The following PSG2 variants were observed in gnomAD, a reference collection of about 807,000 sequenced individuals.
PSG2 encodes the protein pregnancy specific beta-1-glycoprotein 2, also known as pregnancy-specific beta-1-glycoprotein 2.
A neutral mutation model predicts 36.2 loss-of-function variants in PSG2; 49 were observed. The ratio of observed to expected loss-of-function variants is 1.35; its 90% CI spans 1.08 to 1.72. The LOEUF is 1.72. Ranked by LOEUF, PSG2 falls within the 40% of genes most tolerant of loss-of-function variation. The pLI is 0.00. For synonymous variants in PSG2, 261 were observed against 155.6 expected (o/e 1.68, Z -5.04); for missense variants, 605 against 407.2 (o/e 1.49, Z -4.18).
intron 3 of PSG2, among the ~76,000 whole-genome samples, chr19:43,072,981 T>G (rs1425897100): frequency 6.6e-6 from 1 of 151,740 alleles, no homozygotes; most frequent in Non-Finnish European, 1.5e-5. Context: ...AATGTGCAAC[T>G]GCTGGGCCCC....
At chr19:43,080,812 A>G in intron 2 of PSG2, 69 bp downstream of exon 2, 1 of 1,611,844 alleles carries the variant, frequency 6.2e-7, no homozygotes, top group Non-Finnish European at 8.5e-7. Context: ...TAGGCCTGAC[A>G]ATCCTGTGTG....
At position 43,075,353 on chromosome 19, in the gene PSG2, C is replaced by T. The variant is rs148538148; in HGVS notation, c.709+1G>A. 1.4e-4 allele frequency: 231 copies of T among 1,613,074 alleles called. 8 individuals are homozygous for T. In the African/African-American group the frequency reaches 1.8e-3, roughly 12 times the overall value. On this transcript the variant is annotated splice_donor_variant, in intron 3 of 5. Coordinates refer to ENST00000406487, the MANE Select transcript of PSG2 (RefSeq NM_031246.4). LOFTEE classifies it high-confidence loss of function. ...CCCACAGAGGAACAGAAGATACTCA[C>T]GGAGGAGATTCAGGGTGACTGGGTC...
At position 43,078,904 on chromosome 19, in the gene PSG2, G is replaced by A. The variant is rs923286283; in HGVS notation, c.430+1977C>T. ...GTCCACAGGTCAGCCTCACAAAGGG[G>A]AAGAGCCCTTGATGGGAATACAGTG... On this transcript the variant is annotated intron_variant, in intron 2 of 5. Coordinates refer to ENST00000406487, the MANE Select transcript of PSG2 (RefSeq NM_031246.4). 3.3e-5 allele frequency among the ~76,000 whole-genome samples: 5 copies of A among 151,692 alleles called. No homozygotes were observed. The East Asian group carries it at 5.8e-4, about 18-fold the overall frequency.
intron 2 of PSG2, among the ~76,000 whole-genome samples, 156 bp from the exon 3 acceptor site, chr19:43,075,788 T>C (rs1417276592): frequency 2.0e-5 from 3 of 151,646 alleles, no homozygotes; most frequent in Non-Finnish European, 4.4e-5. Flanking sequence ...TGCATGGCAA[T>C]CTGAGGGCTC....
intron 5 of PSG2, chr19:43,065,641 AT>A (rs1967729410): frequency 3.3e-5 from 5 of 151,470 alleles, no homozygotes; most frequent in Admixed American, 3.3e-4. Context: ...TATCATGATT[AT>A]TTTCAGGTCT....
intron 4 of PSG2, among the ~76,000 whole-genome samples, chr19:43,071,162 A>G (rs1476575790): frequency 6.6e-6 from 1 of 151,400 alleles, no homozygotes; most frequent in African/African-American, 2.4e-5. Context: ...TTCTCCACAC[A>G]TGCTGGTCCC....
intron 2 of PSG2, 34 bp downstream of exon 2, chr19:43,080,847 C>A: frequency 6.2e-7 from 1 of 1,611,564 alleles, no homozygotes; most frequent in Non-Finnish European, 8.5e-7. Flanking sequence ...GACCCCTGTC[C>A]CCCAACACCC....
rs185958405 is a variant in PSG2, at chr19:43,070,252, G to A, written c.964+1448C>T. Among the ~76,000 whole-genome samples the A allele has an allele frequency of 8.6e-5, 13 of 151,806 alleles. No individual in the cohort carries two copies. In the East Asian group the frequency reaches 2.1e-3, roughly 25 times the overall value. Reference sequence around the variant, plus strand: ...TGGAGCTCTAGTGCATTGCTGATGGGAATGGGAAATGTTATAGCCACTGTA... The same window carrying A: ...TGGAGCTCTAGTGCATTGCTGATGGAAATGGGAAATGTTATAGCCACTGTA... On this transcript the variant is annotated intron_variant, in intron 4 of 5. Coordinates refer to ENST00000406487, the MANE Select transcript of PSG2 (RefSeq NM_031246.4).
chr19:43,071,909 C>T lies in PSG2; in HGVS notation c.755G>A (p.Arg252His), dbSNP rs1135795. ...PRIHPSYTNYRSGDNLYLSCF... is the reference protein window; with the variant it reads ...PRIHPSYTNYHSGDNLYLSCF... ...AGACAAGTAGAGGTTATCTCCTGAACGGTAATTGGTGTATGAAGGGTGAAT... is the reference window on the plus strand; with the variant it reads ...AGACAAGTAGAGGTTATCTCCTGAATGGTAATTGGTGTATGAAGGGTGAAT... The change falls in exon 4 of 6, where the codon CGT becomes CAT. Residue 252 changes from arginine to histidine, a missense_variant. Arg to His is a conservative substitution (Grantham distance 29). Transcript: ENST00000406487. 14 of 1,612,494 alleles carry T rather than the reference C, an allele frequency of 8.7e-6. No homozygotes were observed. Among genetic ancestry groups the T allele is most frequent in the Admixed American group, 6.7e-5 (4 of 59,938 alleles).
intron 3 of PSG2, among the ~76,000 whole-genome samples, chr19:43,074,042 T>C (rs1488347829): frequency 2.0e-5 from 3 of 151,644 alleles, no homozygotes; most frequent in Admixed American, 6.6e-5. Flanking sequence ...GTCAATTCCA[T>C]ACTGGCCATG....
At chr19:43,068,298 G>A (rs1269827282) in intron 4 of PSG2, among the ~76,000 whole-genome samples, 1 of 151,206 alleles carries the variant, frequency 6.6e-6, no homozygotes, top group Non-Finnish European at 1.5e-5. Flanking sequence ...AATTAGCTGG[G>A]CATGTTGACA....
At chr19:43,073,454 A>G (rs1967847824) in intron 3 of PSG2, among the ~76,000 whole-genome samples, 1 of 151,406 alleles carries the variant, frequency 6.6e-6, no homozygotes, top group African/African-American at 2.5e-5. Context: ...CAAAAGCAGA[A>G]CTGACTGGTG....
chr19:43,082,686 G>A lies in PSG2; in HGVS notation c.-117C>T. The A allele has an allele frequency of 6.8e-7, 1 of 1,474,014 alleles. No homozygotes were observed. Among genetic ancestry groups the A allele is most frequent in the Admixed American group, 2.0e-5 (1 of 49,558 alleles). 91.3% of individuals were successfully genotyped at this position (1,474,014 alleles called of 1,614,324 possible). On this transcript the variant is annotated 5_prime_UTR_variant, in exon 1 of 6. Transcript: ENST00000406487. ...CCTTCTGCACTGAGCCTCTTCCTGG[G>A]GCAGCAGCAATTCCCAGGCTCATGG...
Position 43,066,575 on chromosome 19 carries a change from A to T in PSG2, c.990T>A (p.Pro330=), listed in dbSNP as rs1327197307. Residue 330 remains proline (P), a synonymous_variant, in exon 5 of 6, where the codon CCT becomes CCA. Transcript: ENST00000406487. ...VSASTRIGLL[P]LLNPT is the part of the protein sequence containing the mutation. ...ACAGCTGCTATGTTGGATTAAGGAG[A>T]GGAAGAAGTCCTATTCTTGTAGAAG... The T allele has an allele frequency of 6.2e-7, 1 of 1,602,286 alleles. No homozygotes were observed.
rs777210176 is a variant in PSG2, at chr19:43,071,876, G to C, written c.788C>G (p.Ala263Gly). The C allele has an allele frequency of 6.2e-7, 1 of 1,613,014 alleles. No individual in the cohort carries two copies. Among genetic ancestry groups the C allele is most frequent in the Non-Finnish European group, 8.5e-7 (1 of 1,179,538 alleles). ...SGDNLYLSCF[A>G]NSNPPAQYSW... ...ATACTGTGCCGGTGGGTTAGAGTTCGCGAAGCAAGACAAGTAGAGGTTATC... is the reference window on the plus strand; with the variant it reads ...ATACTGTGCCGGTGGGTTAGAGTTCCCGAAGCAAGACAAGTAGAGGTTATC... The change falls in exon 4 of 6, where the codon GCG becomes GGG. Residue 263 changes from alanine (A) to glycine (G), a missense_variant. Ala to Gly is a moderately conservative substitution (Grantham distance 60). Coordinates refer to ENST00000406487, the MANE Select transcript of PSG2 (RefSeq NM_031246.4).
rs548957694 is a variant in PSG2 at position 43,079,714 on chromosome 19, A to G, written c.430+1167T>C. On this transcript the variant is annotated intron_variant, in intron 2 of 5. Transcript: ENST00000406487. ...TTGCACTGATTCTGACAGTTGAGGCAGGTGATTTAGTTCTGGAGTACAGAT... is the reference window on the plus strand; with the variant it reads ...TTGCACTGATTCTGACAGTTGAGGCGGGTGATTTAGTTCTGGAGTACAGAT... 1.3e-5 allele frequency among the ~76,000 whole-genome samples: 2 copies of G among 151,700 alleles called. 1 individual carries two copies. Among genetic ancestry groups the G allele is most frequent in the Non-Finnish European group, 2.9e-5 (2 of 67,978 alleles).
intron 2 of PSG2, among the ~76,000 whole-genome samples, chr19:43,080,614 G>T (rs544677188): frequency 0.013 from 2,039 of 151,694 alleles, 48 homozygotes; most frequent in Admixed American, 0.046. Flanking sequence ...GAGGTGCTTG[G>T]CTGAGACTGA....
chr19:43,066,731 T>C, intron 4 of PSG2, 131 bp from the exon 5 acceptor site: 1 of 1,363,596 alleles, frequency 7.3e-7, no homozygotes, highest in Non-Finnish European at 1.0e-6. Flanking sequence ...TCTCTTGGAA[T>C]ATTGATGGGA....
chr19:43,070,098 T>A (rs1599705462), intron 4 of PSG2, among the ~76,000 whole-genome samples: 1 of 151,668 alleles, frequency 6.6e-6, no homozygotes, highest in African/African-American at 2.4e-5. Flanking sequence ...CTCAGCATCA[T>A]GAATACTTAG....
Sources: gnomAD v4.1 joint callset for allele counts (sites outside exome capture counted in the v4.1 genomes callset) on GRCh38, gnomAD v4.1.1 for gene constraint, MANE v1.5 for transcripts, NCBI Gene and HGNC (gene_info 2026-07-23, HGNC 2026-07-21) for gene names.